ADCY2: variants seen among roughly 807,000 people sequenced by gnomAD.
ADCY2 encodes the protein adenylate cyclase type 2.
ADCY2 carries 31 observed loss-of-function variants against 125.2 expected under a neutral mutation model. That is an observed-to-expected ratio of 0.25 (90% CI 0.19 to 0.33). ADCY2 has a LOEUF of 0.33. ADCY2 is among the 10% of genes least tolerant of loss of function. ADCY2 has a pLI of 1.00. For missense variants in ADCY2, 904 were observed against 1,418.2 expected, an observed-to-expected ratio of 0.64 and a Z score of 5.82; for synonymous variants, 512 against 548.4, an observed-to-expected ratio of 0.93 and a Z score of 0.93.
intron 14 of ADCY2, among the ~76,000 whole-genome samples, chr5:7,730,973 G>A (rs1164547463): frequency 6.6e-6 from 1 of 152,004 alleles, no homozygotes; most frequent in African/African-American, 2.4e-5. Flanking sequence ...CTTACATGTT[G>A]CTGTCGATTG....
Position 7,707,794 on chromosome 5 carries a change from T to G in ADCY2, c.1357T>G (p.Leu453Val). 6.2e-7 allele frequency: 1 copy of G among 1,614,140 alleles called. No homozygotes were observed. The highest frequency in any genetic ancestry group is 8.5e-7 in the Non-Finnish European group (1 of 1,180,022). The change falls in exon 9 of 25, where the codon TTA becomes GTA. Residue 453 changes from leucine (L) to valine (V), a missense_variant. By Grantham distance (32) the Leu-to-Val change is conservative. Transcript: ENST00000338316. ...AGATGGTGACATTAGGGACCCATAT[T>G]TAAAACAGCACCTGGTGAAAACCTA... The part of the protein sequence containing the change: ...EGDGDIRDPY[L>V]KQHLVKTYFV...
At chr5:7,766,294 G>A (rs11742826) in intron 16 of ADCY2, among the ~76,000 whole-genome samples, 23,074 of 152,054 alleles carry the variant, frequency 0.15, 2,409 homozygotes, top group East Asian at 0.62. Context: ...GAGCCAAGAT[G>A]GCAAAGATAC....
intron 3 of ADCY2, among the ~76,000 whole-genome samples, chr5:7,595,937 G>A (rs1456736223): frequency 6.6e-6 from 1 of 152,102 alleles, no homozygotes; most frequent in Non-Finnish European, 1.5e-5. Flanking sequence ...GCAGTTGGTT[G>A]AATCCACAGA....
At chr5:7,575,502 T>C (rs560947332) in intron 3 of ADCY2, among the ~76,000 whole-genome samples, 1 of 152,278 alleles carries the variant, frequency 6.6e-6, no homozygotes, top group East Asian at 1.9e-4. Flanking sequence ...CATTCTTTCA[T>C]TGGTTCATTT....
intron 3 of ADCY2, among the ~76,000 whole-genome samples, chr5:7,594,629 T>C (rs761340535): frequency 5.9e-5 from 9 of 152,216 alleles, no homozygotes; most frequent in Non-Finnish European, 7.3e-5. Context: ...CATTTGTTGT[T>C]ATTGTCCCCA....
chr5:7,703,865 C>A (rs1434495442), intron 7 of ADCY2, among the ~76,000 whole-genome samples: 1 of 151,840 alleles, frequency 6.6e-6, no homozygotes, highest in Non-Finnish European at 1.5e-5. Context: ...TTAGCCAGGC[C>A]TGGTGGTGCA....
rs772439415 is a variant in ADCY2, at chr5:7,826,889, G to A, written c.*18G>A. 1 of 1,584,484 alleles carries A rather than the reference G, an allele frequency of 6.3e-7. No individual in the cohort carries two copies. Among genetic ancestry groups the A allele is most frequent in the East Asian group, 2.2e-5 (1 of 44,764 alleles). ...CATCCTGAAGAGTCACCTTCATTTT[G>A]GCAAGAAGACTGTATTTTCAGGAAG... On this transcript the variant is annotated 3_prime_UTR_variant, in exon 25 of 25. Coordinates refer to ENST00000338316, the MANE Select transcript of ADCY2 (RefSeq NM_020546.3).
chr5:7,785,817 CA>C (rs1310408164), intron 19 of ADCY2, among the ~76,000 whole-genome samples: 2 of 152,160 alleles, frequency 1.3e-5, no homozygotes, highest in African/African-American at 4.8e-5. Context: ...TCCTTCACAG[CA>C]GCAAATTTTA....
chr5:7,562,292 A>T (rs1372342385), intron 3 of ADCY2, among the ~76,000 whole-genome samples: 1 of 151,950 alleles, frequency 6.6e-6, no homozygotes, highest in Non-Finnish European at 1.5e-5. Flanking sequence ...TTTAATATTT[A>T]TATCCCTGAT....
At chr5:7,700,488 C>T (rs546818139) in intron 7 of ADCY2, among the ~76,000 whole-genome samples, 14 of 107,142 alleles carry the variant, frequency 1.3e-4, no homozygotes, top group African/African-American at 5.0e-4. Flanking sequence ...AATGATTTGA[C>T]CTTATCCTCA....
Position 7,752,588 on chromosome 5 carries a change from T to C in ADCY2, c.1957-4861T>C, listed in dbSNP as rs993260702. Reference sequence around the variant, plus strand: ...ATGAAACTGTAAATGAAGTCTACTTTTATAATGATTAAGTTAAATTATGAA... The same window carrying C: ...ATGAAACTGTAAATGAAGTCTACTTCTATAATGATTAAGTTAAATTATGAA... On this transcript the variant is annotated intron_variant, in intron 15 of 24. Transcript: ENST00000338316. Among the ~76,000 whole-genome samples the C allele has an allele frequency of 2.6e-5, 4 of 152,234 alleles. No individual in the cohort carries two copies. The East Asian group carries it at 7.7e-4, about 29-fold the overall frequency.
At chr5:7,791,947 CA>C (rs1005529663) in intron 20 of ADCY2, among the ~76,000 whole-genome samples, 37 of 151,944 alleles carry the variant, frequency 2.4e-4, no homozygotes, top group African/African-American at 7.3e-4. Flanking sequence ...AGACGGGGGC[CA>C]GGGGGAGAGA....
chr5:7,465,312 C>T (rs561618596), intron 2 of ADCY2, among the ~76,000 whole-genome samples: 1 of 152,338 alleles, frequency 6.6e-6, no homozygotes, highest in South Asian at 2.1e-4. Context: ...AGTGCTCCCT[C>T]CTGAGTCTTT....
At chr5:7,441,720 A>G (rs545052295) in intron 2 of ADCY2, among the ~76,000 whole-genome samples, 1 of 152,298 alleles carries the variant, frequency 6.6e-6, no homozygotes, top group East Asian at 1.9e-4. Context: ...ACACACGTCT[A>G]GGTGTTGCTC....
At chr5:7,684,227 C>G (rs1561165396) in intron 4 of ADCY2, among the ~76,000 whole-genome samples, 1 of 152,236 alleles carries the variant, frequency 6.6e-6, no homozygotes, top group Non-Finnish European at 1.5e-5. Context: ...TTTTCTCACA[C>G]TGGTGCTGAT....
chr5:7,768,297 G>T (rs1359573902), intron 17 of ADCY2, among the ~76,000 whole-genome samples: 1 of 152,194 alleles, frequency 6.6e-6, no homozygotes, highest in African/African-American at 2.4e-5. Context: ...AGAGTTTATT[G>T]ACTGTAATCT....
intron 4 of ADCY2, among the ~76,000 whole-genome samples, chr5:7,648,017 C>T (rs2126679596): frequency 6.6e-6 from 1 of 152,338 alleles, no homozygotes; most frequent in Non-Finnish European, 1.5e-5. Flanking sequence ...TTTCCTCCTG[C>T]ATAAAATGAG....
chr5:7,418,537 A>G (rs1322538156), intron 2 of ADCY2, among the ~76,000 whole-genome samples: 1 of 151,812 alleles, frequency 6.6e-6, no homozygotes, highest in Non-Finnish European at 1.5e-5. Context: ...AGAGACATCG[A>G]GTCCTGCCCC....
intron 2 of ADCY2, among the ~76,000 whole-genome samples, chr5:7,493,716 A>G (rs1743247776): frequency 6.6e-6 from 1 of 152,078 alleles, no homozygotes; most frequent in Non-Finnish European, 1.5e-5. Context: ...AAAGTGATGG[A>G]GGGATAGTGG....
Sources: allele counts gnomAD v4.1 joint callset (sites outside exome capture counted in the v4.1 genomes callset), GRCh38; gene constraint gnomAD v4.1.1; transcripts MANE v1.5; gene names NCBI Gene and HGNC (gene_info 2026-07-23, HGNC 2026-07-21).